ZNF483: variants seen among roughly 807,000 people sequenced by gnomAD.
ZNF483 encodes zinc finger protein HIT-10.
ZNF483 carries 9 observed loss-of-function variants against 28.6 expected under a neutral mutation model. The observed-to-expected ratio is 0.32, with a 90% CI of 0.19 to 0.55. ZNF483 has a LOEUF of 0.55. Among genes scored for constraint, ZNF483 ranks in the 20% least tolerant of loss-of-function variants. The probability of loss-of-function intolerance (pLI) is 0.93; values close to 1 mark genes in which losing one functional copy is unlikely to be tolerated. For synonymous variants in ZNF483, 322 were observed against 306.2 expected, an observed-to-expected ratio of 1.05 and a Z score of -0.54; for missense variants, 675 against 871.7, an observed-to-expected ratio of 0.77 and a Z score of 2.84.
chr9:111,542,112 A>G lies in ZNF483; in HGVS notation c.1177A>G (p.Ser393Gly). Residue 393 changes from serine to glycine, a missense_variant, in exon 6 of 6, where the codon AGT becomes GGT. Ser to Gly is a moderately conservative substitution (Grantham distance 56). Around this residue, in one of 6 missense-constraint regions of ZNF483, gnomAD observed 525 missense variants for 581.8 expected, o/e 0.90. Transcript: ENST00000309235. This position sits in a 1 kb window ranked among gnomAD's most constrained non-coding sequence, Gnocchi z 6.2. Reference sequence around the variant, plus strand: ...TTTGGGGGATAGGTCCCAAAAATGCAGTAAGTGTGGGATAATCTTTATTAG... The same window carrying G: ...TTTGGGGGATAGGTCCCAAAAATGCGGTAAGTGTGGGATAATCTTTATTAG... The part of the protein sequence containing the change: ...IHLGDRSQKC[S>G]KCGIIFIRRS... The G allele has an allele frequency of 6.2e-7, 1 of 1,614,146 alleles. No individual in the cohort carries two copies. Among genetic ancestry groups the G allele is most frequent in the South Asian group, 1.1e-5 (1 of 91,082 alleles).
chr9:111,557,441 A>T (rs1828156827), downstream of ZNF483, among the ~76,000 whole-genome samples: 1 of 61,308 alleles, frequency 1.6e-5, no homozygotes, highest in Non-Finnish European at 3.3e-5. Flanking sequence ...AAAACTCATT[A>T]TCTTTTTTTT....
Position 111,549,392 on chromosome 9 carries a change from CAT to C in ZNF483, c.*6223_*6224del, listed in dbSNP as rs908267060. ...AGAAAGCTTCTCTCAAGCCACAACA[CAT>C]GTGAGGTTCCTCTGCTGAATGAATC... On this transcript the variant is annotated 3_prime_UTR_variant, in exon 6 of 6. Coordinates refer to ENST00000309235, the MANE Select transcript of ZNF483 (RefSeq NM_133464.5). Among the ~76,000 whole-genome samples, 5 of 152,192 alleles carry C rather than the reference CAT, an allele frequency of 3.3e-5. No individual in the cohort carries two copies. Among genetic ancestry groups the C allele is most frequent in the Non-Finnish European group, 5.9e-5 (4 of 68,030 alleles).
rs1369013165 is a variant in ZNF483, at chr9:111,554,089, G to T, written c.*10919G>T. Among the ~76,000 whole-genome samples the T allele has an allele frequency of 6.6e-6, 1 of 152,144 alleles. No individual in the cohort carries two copies. Among genetic ancestry groups the T allele is most frequent in the African/African-American group, 2.4e-5 (1 of 41,426 alleles). ...CCAAGGTTTCCCATTCCACTCTAGA[G>T]ATCTCACACAGGCTTCCCAGGATAT... On this transcript the variant is annotated 3_prime_UTR_variant, in exon 6 of 6. Transcript: ENST00000309235.
chr9:111,560,572 C>T (rs778389719), intron 5 of ZNF483, among the ~76,000 whole-genome samples: 1 of 123,674 alleles, frequency 8.1e-6, no homozygotes, highest in Non-Finnish European at 1.6e-5. Flanking sequence ...ACCCGGGAGG[C>T]GGAGGTTGCA....
intron 3 of ZNF483, 65 bp downstream of exon 3, chr9:111,531,028 T>C (rs536201695): frequency 1.9e-5 from 14 of 744,636 alleles, no homozygotes; most frequent in African/African-American, 1.6e-4. Flanking sequence ...CTGAGTGGTA[T>C]AAAGATATAA....
At position 111,530,953 on chromosome 9, in the gene ZNF483, C is replaced by T; in HGVS notation, c.491C>T (p.Thr164Ile). ...AAAATGGTCACTGTTTGTCCCAATACTGAGTCCTGTGTAAGTTTCCTTTGA... is the reference window on the plus strand; with the variant it reads ...AAAATGGTCACTGTTTGTCCCAATATTGAGTCCTGTGTAAGTTTCCTTTGA... ...EDKMVTVCPN[T>I]ESCESITLKD... Residue 164 changes from threonine (T) to isoleucine (I), a missense_variant, in exon 3 of 6, where the codon ACT becomes ATT. Coordinates refer to ENST00000309235, the MANE Select transcript of ZNF483 (RefSeq NM_133464.5). 5 of 1,514,736 alleles carry T rather than the reference C, an allele frequency of 3.3e-6. No individual in the cohort carries two copies. Among genetic ancestry groups the T allele is most frequent in the Non-Finnish European group, 9.0e-7 (1 of 1,114,550 alleles). The allele number at this position is 1,514,736 out of a possible 1,614,324, so 93.8% of individuals were successfully genotyped here.
chr9:111,570,185 T>C, intron 5 of ZNF483: 8 of 1,614,008 alleles, frequency 5.0e-6, no homozygotes, highest in Non-Finnish European at 6.8e-6. Context: ...AAGCTCCTGA[T>C]AGATAACAAT....
Position 111,542,400 on chromosome 9 carries a change from CAT to C in ZNF483, c.1467_1468del (p.His489GlnfsTer9). ...SSSLTPHHRT[H>X]SGEKPFKCDD... ...ATCGCTCACACCACATCATAGAACT[CAT>C]AGTGGAGAGAAACCCTTCAAATGTG... is the stretch of plus-strand genomic sequence containing the variant. On this transcript the variant is annotated frameshift_variant, in exon 6 of 6. Coordinates refer to ENST00000309235, the MANE Select transcript of ZNF483 (RefSeq NM_133464.5). LOFTEE classifies it low-confidence loss of function (END_TRUNC). The surrounding 1 kb of genome is among the most constrained non-coding windows in gnomAD (Gnocchi z 6.2). 6.2e-7 allele frequency: 1 copy of C among 1,614,088 alleles called. No homozygotes were observed. Among genetic ancestry groups the C allele is most frequent in the Non-Finnish European group, 8.5e-7 (1 of 1,180,024 alleles).
chr9:111,559,511 T>A (rs1179790695), downstream of ZNF483, among the ~76,000 whole-genome samples: 2 of 152,086 alleles, frequency 1.3e-5, no homozygotes, highest in Admixed American at 6.5e-5. Context: ...ATGTTCATTT[T>A]GCTTGGGCTC....
At chr9:111,569,373 A>C (rs1828709982) in intron 5 of ZNF483, among the ~76,000 whole-genome samples, 2 of 152,236 alleles carry the variant, frequency 1.3e-5, no homozygotes, top group African/African-American at 4.8e-5. Context: ...AGCCAAGGGA[A>C]GAAAGCATAT....
intron 5 of ZNF483, chr9:111,564,092 A>G (rs888215806): frequency 4.7e-5 from 10 of 212,220 alleles, no homozygotes; most frequent in Non-Finnish European, 7.4e-5. Context: ...GGCACAGCCT[A>G]CTAATGGGAA....
At chr9:111,526,540 A>G (rs548598104) in intron 1 of ZNF483, among the ~76,000 whole-genome samples, 3 of 152,336 alleles carry the variant, frequency 2.0e-5, no homozygotes, top group Admixed American at 2.0e-4. Context: ...AGAGGTTCTT[A>G]GGAAATAAAA....
rs1828077072 is a variant in ZNF483 at position 111,554,899 on chromosome 9, C to CT, written c.*11732dup. Among the ~76,000 whole-genome samples, 1 of 152,176 alleles carries CT rather than the reference C, an allele frequency of 6.6e-6. No individual in the cohort carries two copies. Among genetic ancestry groups the CT allele is most frequent in the African/African-American group, 2.4e-5 (1 of 41,438 alleles). ...AAGTCCAGGGTCTTTGAGTTAGATG[C>CT]TTTGAGTGTGACCTACTTTTTGCCT... is the stretch of plus-strand genomic sequence containing the variant. On this transcript the variant is annotated 3_prime_UTR_variant, in exon 6 of 6. Transcript: ENST00000309235.
intron 5 of ZNF483, chr9:111,539,295 C>G: frequency 3.0e-6 from 1 of 337,564 alleles, no homozygotes; most frequent in South Asian, 2.4e-5. Context: ...AGCAGTAATA[C>G]TATTTATTAC....
In ZNF483 at chr9:111,542,302, A is replaced by G. The variant is rs749401340; in HGVS notation, c.1367A>G (p.Lys456Arg). Residue 456 changes from lysine (K) to arginine (R), a missense_variant, in exon 6 of 6, where the codon AAA becomes AGA. Around this residue, in one of 6 missense-constraint regions of ZNF483, gnomAD observed 525 missense variants for 581.8 expected, o/e 0.90. Coordinates refer to ENST00000309235, the MANE Select transcript of ZNF483 (RefSeq NM_133464.5). The surrounding 1 kb of genome is among the most constrained non-coding windows in gnomAD (Gnocchi z 6.2). ...KAFGYSASLT[K>R]HRRIHTGEKP... ...TTTGGCTATAGCGCCTCACTCACCA[A>G]ACATCGGAGAATTCACACTGGAGAA... 1.2e-6 allele frequency: 2 copies of G among 1,614,170 alleles called. No individual in the cohort carries two copies. Among genetic ancestry groups the G allele is most frequent in the Non-Finnish European group, 1.7e-6 (2 of 1,180,026 alleles).
At position 111,553,633 on chromosome 9, in the gene ZNF483, G is replaced by A. The variant is rs1016521101; in HGVS notation, c.*10463G>A. On this transcript the variant is annotated 3_prime_UTR_variant, in exon 6 of 6. Transcript: ENST00000309235. ...ATGTGTAACACTAGTGATAATGCAC[G>A]TTCCTGTACAAGCATTATAATACAA... Among the ~76,000 whole-genome samples the A allele has an allele frequency of 2.0e-5, 3 of 152,202 alleles. No homozygotes were observed. Among genetic ancestry groups the A allele is most frequent in the Non-Finnish European group, 4.4e-5 (3 of 68,040 alleles).
intron 5 of ZNF483, chr9:111,570,090 C>T (rs1157267969): frequency 6.2e-7 from 1 of 1,613,972 alleles, no homozygotes; most frequent in African/African-American, 1.3e-5. Flanking sequence ...GAGCTCCTTA[C>T]CTCTAAGACC....
At position 111,551,897 on chromosome 9, in the gene ZNF483, AT is replaced by A. The variant is rs1827972122; in HGVS notation, c.*8729del. The stretch of plus-strand genomic sequence containing the variant: ...AAACAGTTTATCAATACAATATATC[AT>A]TCTTCAGATTTTGCTTATTTTTTGC... On this transcript the variant is annotated 3_prime_UTR_variant, in exon 6 of 6. Coordinates refer to ENST00000309235, the MANE Select transcript of ZNF483 (RefSeq NM_133464.5). Among the ~76,000 whole-genome samples the A allele has an allele frequency of 6.6e-6, 1 of 152,196 alleles. No homozygotes were observed. The highest frequency in any genetic ancestry group is 2.4e-5 in the African/African-American group (1 of 41,442).
intron 5 of ZNF483, among the ~76,000 whole-genome samples, chr9:111,562,062 T>C (rs1828342050): frequency 6.6e-6 from 1 of 152,070 alleles, no homozygotes; most frequent in African/African-American, 2.4e-5. Flanking sequence ...ATTTTTGTAT[T>C]TTTAGTAGAG....
Sources: allele counts gnomAD v4.1 joint callset (sites outside exome capture counted in the v4.1 genomes callset), GRCh38; gene constraint gnomAD v4.1.1; regional missense constraint gnomAD v4.1.1; non-coding constraint Gnocchi (gnomAD v3.1); transcripts MANE v1.5; gene names NCBI Gene and HGNC (gene_info 2026-07-23, HGNC 2026-07-21).